The following KCNJ6 variants were observed in gnomAD, a reference collection of about 807,000 sequenced individuals.
The protein encoded by KCNJ6 is G protein-activated inward rectifier potassium channel 2.
In KCNJ6, 9 loss-of-function variants were observed where a neutral mutation model predicts 34.2. The ratio of observed to expected loss-of-function variants is 0.26; its 90% CI spans 0.16 to 0.46. The LOEUF is 0.46. Among genes scored for constraint, KCNJ6 ranks in the 20% least tolerant of loss-of-function variants. KCNJ6 has a pLI of 1.00. For synonymous variants in KCNJ6, 196 were observed against 207.1 expected (o/e 0.95, Z 0.46); for missense variants, 236 against 531.3 (o/e 0.44, Z 5.46).
chr21:37,863,535 G>A (rs1310015947), intron 1 of KCNJ6, among the ~76,000 whole-genome samples: 4 of 152,114 alleles, frequency 2.6e-5, no homozygotes, highest in African/African-American at 4.8e-5. Context: ...TATTTTTAAC[G>A]ATTTGGATGT....
Position 37,632,877 on chromosome 21 carries a change from CCAGA to C in KCNJ6, c.947-7397_947-7394del, listed in dbSNP as rs2054340056. Among the ~76,000 whole-genome samples the C allele has an allele frequency of 3.3e-5, 5 of 152,032 alleles. No individual in the cohort carries two copies. In the South Asian group the frequency reaches 1.0e-3, roughly 32 times the overall value. On this transcript the variant is annotated intron_variant, in intron 3 of 3. Coordinates refer to ENST00000609713, the MANE Select transcript of KCNJ6 (RefSeq NM_002240.5). ...ACTTGCCATAAAGAAATTACAAAGC[CCAGA>C]CAATCTTAAAGATGAGTTCAATGAA... is the stretch of plus-strand genomic sequence containing the variant.
intron 3 of KCNJ6, among the ~76,000 whole-genome samples, chr21:37,701,377 C>T (rs1487862987): frequency 1.4e-5 from 2 of 145,164 alleles, no homozygotes; most frequent in East Asian, 4.4e-4. Flanking sequence ...CAGGTTTGAC[C>T]AAGACCAGGT....
Position 37,794,677 on chromosome 21 carries a change from T to C in KCNJ6, c.25+45981A>G, listed in dbSNP as rs142749551. 8.0e-3 allele frequency among the ~76,000 whole-genome samples: 1,212 copies of C among 151,514 alleles called. 11 individuals are homozygous for C. The highest frequency in any genetic ancestry group is 0.014 in the Non-Finnish European group (944 of 67,904). ...TCATTCATAAGTGGGAGTTGAACAA[T>C]GAGAACACTTGGACACAGGGAGGGG... On this transcript the variant is annotated intron_variant, in intron 2 of 3. Transcript: ENST00000609713.
At chr21:37,770,325 G>C (rs1412892282) in intron 2 of KCNJ6, among the ~76,000 whole-genome samples, 1 of 151,810 alleles carries the variant, frequency 6.6e-6, no homozygotes, top group East Asian at 1.9e-4. Flanking sequence ...AGTGTGACCT[G>C]TGAGGAGGTG....
At chr21:37,729,210 T>C (rs1176870962) in intron 2 of KCNJ6, among the ~76,000 whole-genome samples, 5 of 152,332 alleles carry the variant, frequency 3.3e-5, no homozygotes, top group Middle Eastern at 6.8e-3. Context: ...AACACTGATG[T>C]TGGCTGCCCA....
At chr21:37,839,199 C>A (rs2055466735) in intron 2 of KCNJ6, among the ~76,000 whole-genome samples, 1 of 152,082 alleles carries the variant, frequency 6.6e-6, no homozygotes, top group South Asian at 2.1e-4. Context: ...GTTGTAAATT[C>A]TTTTAACATT....
intron 2 of KCNJ6, among the ~76,000 whole-genome samples, chr21:37,807,071 T>C (rs1211624082): frequency 6.6e-6 from 1 of 152,252 alleles, no homozygotes; most frequent in African/African-American, 2.4e-5. Context: ...AATTTCTTTC[T>C]CCATTTTCTC....
intron 1 of KCNJ6, among the ~76,000 whole-genome samples, chr21:37,891,391 T>C (rs1237520774): frequency 3.3e-5 from 5 of 152,144 alleles, no homozygotes; most frequent in Non-Finnish European, 7.3e-5. Context: ...ATGTACACTC[T>C]GCACTGTACA....
intron 3 of KCNJ6, among the ~76,000 whole-genome samples, chr21:37,703,966 C>T (rs557622421): frequency 5.3e-5 from 8 of 152,380 alleles, no homozygotes; most frequent in East Asian, 3.9e-4. Flanking sequence ...AACCCAGCCC[C>T]GCCTTGCCCT....
At position 37,831,058 on chromosome 21, in the gene KCNJ6, C is replaced by G. The variant is rs200230036; in HGVS notation, c.25+9600G>C. 6.6e-5 allele frequency among the ~76,000 whole-genome samples: 10 copies of G among 152,252 alleles called. No homozygotes were observed. The East Asian group carries it at 1.7e-3, about 27-fold the overall frequency. ...AGGGAGAGCAGGCAAGGCGGGAAGCCCCCCTTGCATGGAGACATGGCTCAG... is the reference window on the plus strand; with the variant it reads ...AGGGAGAGCAGGCAAGGCGGGAAGCGCCCCTTGCATGGAGACATGGCTCAG... On this transcript the variant is annotated intron_variant, in intron 2 of 3. Coordinates refer to ENST00000609713, the MANE Select transcript of KCNJ6 (RefSeq NM_002240.5).
At chr21:37,684,144 A>G (rs1316106368) in intron 3 of KCNJ6, among the ~76,000 whole-genome samples, 3 of 54,998 alleles carry the variant, frequency 5.5e-5, no homozygotes, top group African/African-American at 2.4e-4. Flanking sequence ...ATGGTCTCAC[A>G]GTTCTGGAGG....
intron 1 of KCNJ6, among the ~76,000 whole-genome samples, chr21:37,869,175 T>C (rs949851496): frequency 5.3e-5 from 8 of 152,348 alleles, no homozygotes; most frequent in African/African-American, 1.7e-4. Context: ...CATGGAGGGA[T>C]AGAAGCCATG....
intron 3 of KCNJ6, among the ~76,000 whole-genome samples, chr21:37,645,513 G>A (rs2835856): frequency 0.16 from 24,346 of 152,214 alleles, 3,246 homozygotes; most frequent in African/African-American, 0.36. Context: ...AATGAAGGCA[G>A]TCTTAAATTG....
chr21:37,698,698 ATTT>A (rs112756247), intron 3 of KCNJ6, among the ~76,000 whole-genome samples: 1 of 140,522 alleles, frequency 7.1e-6, no homozygotes, highest in Admixed American at 7.1e-5. Flanking sequence ...TGCCCAGGTA[ATTT>A]TTTTTTTTTT....
chr21:37,755,092 G>A (rs992350044), intron 2 of KCNJ6, among the ~76,000 whole-genome samples: 9 of 152,150 alleles, frequency 5.9e-5, no homozygotes, highest in Admixed American at 2.0e-4. Flanking sequence ...GGACCCGAGC[G>A]AGACCCAGTT....
chr21:37,629,861 A>C (rs542953389), intron 3 of KCNJ6, among the ~76,000 whole-genome samples: 19 of 152,358 alleles, frequency 1.2e-4, no homozygotes, highest in African/African-American at 4.1e-4. Flanking sequence ...GTAAATGCTC[A>C]TGGATGCTTT....
In KCNJ6 at chr21:37,840,719, A is replaced by T; in HGVS notation, c.-27-10T>A. The T allele has an allele frequency of 6.7e-7, 1 of 1,490,448 alleles. No individual in the cohort carries two copies. Among genetic ancestry groups the T allele is most frequent in the South Asian group, 1.2e-5 (1 of 86,344 alleles). The allele number at this position is 1,490,448 out of a possible 1,614,324, so 92.3% of individuals were successfully genotyped here. On this transcript the variant is annotated splice_polypyrimidine_tract_variant and intron_variant, in intron 1 of 3. Transcript: ENST00000609713. ...CTTCTTTGTGCTTTTCCTGGAGGTG[A>T]GAAGAAAAGACAATTATCTGTAAAA...
At chr21:37,733,456 G>T (rs1176748446) in intron 2 of KCNJ6, among the ~76,000 whole-genome samples, 1 of 152,152 alleles carries the variant, frequency 6.6e-6, no homozygotes, top group Non-Finnish European at 1.5e-5. Flanking sequence ...TAGATTTGGG[G>T]TTTCAAAGAC....
chr21:37,639,281 C>T lies in KCNJ6; in HGVS notation c.947-13797G>A, dbSNP rs141769202. 2.6e-5 allele frequency among the ~76,000 whole-genome samples: 4 copies of T among 152,288 alleles called. No individual in the cohort carries two copies. In the East Asian group the frequency reaches 7.7e-4, roughly 29 times the overall value. On this transcript the variant is annotated intron_variant, in intron 3 of 3. Coordinates refer to ENST00000609713, the MANE Select transcript of KCNJ6 (RefSeq NM_002240.5). ...TCCTTGTATGATCTCAATAAATAGCCTTTTGTTAATTCTACAGATGCACTT... is the reference window on the plus strand; with the variant it reads ...TCCTTGTATGATCTCAATAAATAGCTTTTTGTTAATTCTACAGATGCACTT...
Sources: gnomAD v4.1 joint callset for allele counts (sites outside exome capture counted in the v4.1 genomes callset) on GRCh38, gnomAD v4.1.1 for gene constraint, MANE v1.5 for transcripts, NCBI Gene and HGNC (gene_info 2026-07-23, HGNC 2026-07-21) for gene names.